The following FREM1 variants were observed in gnomAD, a reference collection of about 807,000 sequenced individuals.
The protein encoded by FREM1 is FRAS1-related extracellular matrix protein 1.
Under a neutral mutation model 210.1 loss-of-function variants are expected in FREM1, and 220 were observed. The ratio of observed to expected loss-of-function variants is 1.05; its 90% confidence interval spans 0.94 to 1.17. The LOEUF (loss-of-function observed/expected upper bound fraction) is 1.17, where lower values mean the gene tolerates loss of function less well. FREM1 is among the 50% of genes most tolerant of loss of function. The probability of loss-of-function intolerance (pLI) is 0.00; values close to 1 mark genes in which losing one functional copy is unlikely to be tolerated. For synonymous variants in FREM1, 1,189 were observed against 980.2 expected (o/e 1.21, Z -3.98); for missense variants, 3,454 against 2,675.5 (o/e 1.29, Z -6.42).
intron 20 of FREM1, among the ~76,000 whole-genome samples, chr9:14,799,575 A>C (rs79218171): frequency 0.044 from 6,702 of 152,120 alleles, 489 homozygotes; most frequent in African/African-American, 0.15. Context: ...ACTAGATAAT[A>C]ACCAACAAAT....
chr9:14,845,996 CG>C lies in FREM1; in HGVS notation c.1356del (p.Val453LeufsTer9). 6.2e-7 allele frequency: 1 copy of C among 1,613,460 alleles called. No individual in the cohort carries two copies. Among genetic ancestry groups the C allele is most frequent in the East Asian group, 2.2e-5 (1 of 44,846 alleles). On this transcript the variant is annotated frameshift_variant, in exon 8 of 37. Transcript: ENST00000380880. LOFTEE classifies it high-confidence loss of function. Reference sequence around the variant, plus strand: ...AGCCATCCATGCTGCAGGCCACCAACGGTGACTAGCCGGACAGCACCAATGT... The same window carrying C: ...AGCCATCCATGCTGCAGGCCACCAACGTGACTAGCCGGACAGCACCAATGT... ...NDDIGAVRLVTVGGLQHGWLT... is the reference protein window; with the variant it reads ...NDDIGAVRLVXVGGLQHGWLT...
intron 1 of FREM1, among the ~76,000 whole-genome samples, chr9:14,871,939 G>C (rs1014124888): frequency 6.6e-6 from 1 of 152,094 alleles, no homozygotes; most frequent in African/African-American, 2.4e-5. Context: ...CCCATTGCTT[G>C]TTTTTGTCAG....
intron 2 of FREM1, among the ~76,000 whole-genome samples, chr9:14,867,934 T>C (rs1298142698): frequency 1.3e-5 from 2 of 152,116 alleles, no homozygotes; most frequent in East Asian, 3.9e-4. Flanking sequence ...TTAAACCCAA[T>C]GAATTAGGAG....
intron 29 of FREM1, among the ~76,000 whole-genome samples, chr9:14,753,434 G>A (rs1843726213): frequency 6.6e-6 from 1 of 152,182 alleles, no homozygotes; most frequent in Non-Finnish European, 1.5e-5. Context: ...ATTTTCTTAG[G>A]AGTATTTTTA....
Position 14,819,388 on chromosome 9 carries a change from C to T in FREM1, c.2392G>A (p.Glu798Lys), listed in dbSNP as rs1418944960. The change falls in exon 14 of 37, where the codon GAG (glutamate) becomes AAG (lysine). Residue 798 changes from glutamate (E) to lysine (K), a missense_variant. Physicochemically the swap from Glu to Lys is moderately conservative, Grantham distance 56. Transcript: ENST00000380880. ...TEGGQSIIST[E>K]HILISDADTK... ...TCTGCATCAGAAATTAGAATGTGCT[C>T]TGTGCTGATGATGCTTTGACCTCCC... The T allele has an allele frequency of 5.0e-6, 8 of 1,613,660 alleles. No homozygotes were observed. The African/African-American group carries it at 9.3e-5, about 19-fold the overall frequency.
At chr9:14,819,127 G>A (rs1820820307) in intron 14 of FREM1, 107 bp downstream of exon 14, 3 of 692,152 alleles carry the variant, frequency 4.3e-6, no homozygotes, top group Non-Finnish European at 7.0e-6. Context: ...GTGGCATGTT[G>A]GTATCCTTTA....
intron 3 of FREM1, among the ~76,000 whole-genome samples, chr9:14,860,211 G>C (rs1214573140): frequency 6.6e-6 from 1 of 152,036 alleles, no homozygotes; most frequent in African/African-American, 2.4e-5. Flanking sequence ...TCCAGACATT[G>C]TTAATCCCAT....
At chr9:14,876,135 C>G (rs1187231158) in intron 1 of FREM1, among the ~76,000 whole-genome samples, 3 of 152,014 alleles carry the variant, frequency 2.0e-5, no homozygotes, top group African/African-American at 7.2e-5. Context: ...GGTCAGGGAC[C>G]CACTTGAGGA....
intron 29 of FREM1, 70 bp from the exon 30 acceptor site, chr9:14,750,346 T>C (rs1843134150): frequency 8.1e-7 from 1 of 1,227,304 alleles, no homozygotes; most frequent in Non-Finnish European, 1.2e-6. Context: ...GAGAAATATA[T>C]TAATTAACAT....
In FREM1 at chr9:14,818,407, T is replaced by C. The variant is rs557338927; in HGVS notation, c.2546+827A>G. Reference sequence around the variant, plus strand: ...AACTCATCTTCTTCTGTACAAATCTTAGTTTCTGGTCAACTTTCTAGTCAA... The same window carrying C: ...AACTCATCTTCTTCTGTACAAATCTCAGTTTCTGGTCAACTTTCTAGTCAA... On this transcript the variant is annotated intron_variant, in intron 14 of 36. Transcript: ENST00000380880. 9.8e-5 allele frequency among the ~76,000 whole-genome samples: 15 copies of C among 152,354 alleles called. No individual in the cohort carries two copies. The East Asian group carries it at 2.7e-3, about 27-fold the overall frequency.
intron 15 of FREM1, among the ~76,000 whole-genome samples, chr9:14,816,205 A>G (rs1407698192): frequency 6.6e-6 from 1 of 152,216 alleles, no homozygotes; most frequent in Non-Finnish European, 1.5e-5. Context: ...AAAATTAAAT[A>G]TCTATGTTTG....
rs963739100 is a variant in FREM1 at position 14,776,110 on chromosome 9, G to A, written c.4536C>T (p.Asn1512=). ...VDRALPVVTR[N]KGLRLAQGAV... is the part of the protein sequence containing the mutation. ...CCCCTTGGGCCAGTCTCAACCCCTT[G>A]TTCCTGGTTACCACAGGCAGGGCTC... The change falls in exon 25 of 37, where the codon AAC becomes AAT. Residue 1512 remains asparagine, a synonymous_variant. Coordinates refer to ENST00000380880, the MANE Select transcript of FREM1 (RefSeq NM_001379081.2). 2 of 1,602,122 alleles carry A rather than the reference G, an allele frequency of 1.2e-6. No homozygotes were observed. Among genetic ancestry groups the A allele is most frequent in the Non-Finnish European group, 1.7e-6 (2 of 1,172,740 alleles).
chr9:14,871,357 T>TG (rs755552501), intron 1 of FREM1, among the ~76,000 whole-genome samples: 3 of 152,222 alleles, frequency 2.0e-5, no homozygotes, highest in Non-Finnish European at 4.4e-5. Context: ...CTAACTGGTG[T>TG]GAGATGGTAT....
chr9:14,775,842 C>A lies in FREM1; in HGVS notation c.4804G>T (p.Gly1602Cys). The A allele has an allele frequency of 6.2e-7, 1 of 1,613,796 alleles. No individual in the cohort carries two copies. Among genetic ancestry groups the A allele is most frequent in the Non-Finnish European group, 8.5e-7 (1 of 1,179,790 alleles). ...TFMATDGTNQGFIVNGRVWEE... is the reference protein window; with the variant it reads ...TFMATDGTNQCFIVNGRVWEE... The stretch of plus-strand genomic sequence containing the variant: ...CACACTCTCCCATTCACAATAAAGC[C>A]TTGGTTTGTCCCATCTGTGGCCATG... Residue 1602 changes from glycine (G) to cysteine (C), a missense_variant, in exon 25 of 37, where the codon GGC (glycine) becomes TGC (cysteine). Physicochemically the swap from Gly to Cys is radical, Grantham distance 159. Transcript: ENST00000380880.
intron 28 of FREM1, among the ~76,000 whole-genome samples, chr9:14,759,283 A>G (rs926636729): frequency 3.9e-5 from 6 of 152,028 alleles, no homozygotes; most frequent in Admixed American, 1.3e-4. Context: ...GCCAAGGTGG[A>G]TGGATTGCCT....
In FREM1 at chr9:14,859,173, G is replaced by A. The variant is rs1193149971; in HGVS notation, c.631+10C>T. 6.5e-7 allele frequency: 1 copy of A among 1,544,714 alleles called. No homozygotes were observed. Among genetic ancestry groups the A allele is most frequent in the African/African-American group, 1.4e-5 (1 of 72,280 alleles). Reference sequence around the variant, plus strand: ...GGTAATACCCAGAAAGGCATTAAAAGACATCATACGGGACTCTGGGAAAAA... The same window carrying A: ...GGTAATACCCAGAAAGGCATTAAAAAACATCATACGGGACTCTGGGAAAAA... On this transcript the variant is annotated intron_variant, in intron 4 of 36. Transcript: ENST00000380880.
intron 1 of FREM1, among the ~76,000 whole-genome samples, chr9:14,882,238 A>G (rs997832751): frequency 6.6e-6 from 1 of 152,154 alleles, no homozygotes; most frequent in Non-Finnish European, 1.5e-5. Context: ...ACCTAACAGC[A>G]TATGGGACAA....
Position 14,819,341 on chromosome 9 carries a change from G to A in FREM1, c.2439C>T (p.Asp813=). 1 of 1,613,532 alleles carries A rather than the reference G, an allele frequency of 6.2e-7. No homozygotes were observed. Among genetic ancestry groups the A allele is most frequent in the Non-Finnish European group, 8.5e-7 (1 of 1,179,504 alleles). The part of the protein sequence containing the change: ...SDADTKLDNI[D]LSLRELPLHG... The stretch of plus-strand genomic sequence containing the variant: ...GCAGAGGCAATTCCCGCAGGGAGAG[G>A]TCAATATTGTCCAGCTTGGTATCTG... The change falls in exon 14 of 37, where the codon GAC becomes GAT. Residue 813 remains aspartate (D), a synonymous_variant. Transcript: ENST00000380880.
chr9:14,872,221 T>C (rs1832809448), intron 1 of FREM1, among the ~76,000 whole-genome samples: 2 of 152,206 alleles, frequency 1.3e-5, no homozygotes. Flanking sequence ...ATTGGTAGCT[T>C]GATGGGTATG....
Sources: allele counts gnomAD v4.1 joint callset (sites outside exome capture counted in the v4.1 genomes callset), GRCh38; gene constraint gnomAD v4.1.1; transcripts MANE v1.5; gene names NCBI Gene and HGNC (gene_info 2026-07-23, HGNC 2026-07-21).